The following SMG5 variants were observed in gnomAD, a reference collection of about 807,000 sequenced individuals.
The protein encoded by SMG5 is SMG5 nonsense mediated mRNA decay factor.
In SMG5, 53 loss-of-function variants were observed where a neutral mutation model predicts 122.9. The ratio of observed to expected loss-of-function variants is 0.43; its 90% CI spans 0.35 to 0.54. The LOEUF (loss-of-function observed/expected upper bound fraction) is 0.54, where lower values mean the gene tolerates loss of function less well. Among genes scored for constraint, SMG5 ranks in the 20% least tolerant of loss-of-function variants. SMG5 has a pLI of 0.01. For synonymous variants in SMG5, 477 were observed against 490.2 expected, an observed-to-expected ratio of 0.97 and a Z score of 0.35; for missense variants, 1,153 against 1,285.6, an observed-to-expected ratio of 0.90 and a Z score of 1.58.
intron 16 of SMG5, among the ~76,000 whole-genome samples, chr1:156,255,670 G>C (rs1169182333): frequency 6.6e-6 from 1 of 152,196 alleles, no homozygotes; most frequent in African/African-American, 2.4e-5. Context: ...AGGACTGCTT[G>C]AGTTCTGGAG....
At chr1:156,260,688 TAACCC>T in intron 14 of SMG5, 62 bp from the exon 15 acceptor site, 1 of 1,398,396 alleles carries the variant, frequency 7.2e-7, no homozygotes, top group Non-Finnish European at 9.4e-7. Context: ...CAGAGAGACA[TAACCC>T]TTCCCTTTGG....
chr1:156,261,605 T>C (rs1304712183), intron 13 of SMG5, among the ~76,000 whole-genome samples, 197 bp from the exon 14 acceptor site: 1 of 152,056 alleles, frequency 6.6e-6, no homozygotes, highest in African/African-American at 2.4e-5. Context: ...TTAGCTGGGC[T>C]GGCTGGGCAC....
intron 5 of SMG5, 34 bp from the exon 6 acceptor site, chr1:156,273,484 G>C: frequency 6.3e-7 from 1 of 1,596,274 alleles, no homozygotes; most frequent in Non-Finnish European, 8.6e-7. Context: ...GAAACTCGAT[G>C]ATTTTAAGTT....
intron 12 of SMG5, among the ~76,000 whole-genome samples, chr1:156,264,564 C>T (rs1375662512): frequency 2.0e-5 from 3 of 152,162 alleles, no homozygotes; most frequent in African/African-American, 7.2e-5. Flanking sequence ...CTGGAGGCTG[C>T]AGAGGTGCAG....
intron 17 of SMG5, 25 bp downstream of exon 17, chr1:156,253,424 A>C (rs756329648): frequency 1.8e-5 from 29 of 1,609,734 alleles, no homozygotes; most frequent in Non-Finnish European, 2.1e-5. Context: ...AGTGCAGAAG[A>C]AGCACTTGGG....
intron 7 of SMG5, among the ~76,000 whole-genome samples, chr1:156,271,077 A>G (rs753812557): frequency 5.9e-5 from 9 of 152,196 alleles, no homozygotes; most frequent in Non-Finnish European, 1.3e-4. Context: ...ATACTTAAGA[A>G]TGAATGAATA....
rs967980831 is a variant in SMG5 at position 156,264,908 on chromosome 1, C to G, written c.1855+873G>C. On this transcript the variant is annotated intron_variant, in intron 12 of 21. Transcript: ENST00000361813. Reference sequence around the variant, plus strand: ...GGGCATGGTGGTGCGTGCCTCTAGTCCCAGCTACTTGGGAGGCTGAGGCAG... The same window carrying G: ...GGGCATGGTGGTGCGTGCCTCTAGTGCCAGCTACTTGGGAGGCTGAGGCAG... Among the ~76,000 whole-genome samples the G allele has an allele frequency of 2.0e-5, 3 of 152,150 alleles. No individual in the cohort carries two copies. In the East Asian group the frequency reaches 5.8e-4, roughly 29 times the overall value.
At chr1:156,260,370 C>T in intron 15 of SMG5, 81 bp downstream of exon 15, 1 of 1,495,638 alleles carries the variant, frequency 6.7e-7, no homozygotes, top group South Asian at 1.3e-5. Context: ...CATCCTGCCC[C>T]CTCCCTCCCC....
upstream of SMG5, among the ~76,000 whole-genome samples, chr1:156,286,721 C>T (rs1014795191): frequency 6.6e-5 from 10 of 152,362 alleles, no homozygotes; most frequent in African/African-American, 2.2e-4. Flanking sequence ...TAGATCAATG[C>T]ACCCATTGCA....
Position 156,266,531 on chromosome 1 carries a change from A to T in SMG5, c.1255+10T>A. On this transcript the variant is annotated intron_variant, in intron 11 of 21. Coordinates refer to ENST00000361813, the MANE Select transcript of SMG5 (RefSeq NM_015327.3). Reference sequence around the variant, plus strand: ...CCTTTCCATAGTGATGACCTCCCCGATTCTCCCACCTGTGCCATCACTCTG... The same window carrying T: ...CCTTTCCATAGTGATGACCTCCCCGTTTCTCCCACCTGTGCCATCACTCTG... 1 of 1,613,862 alleles carries T rather than the reference A, an allele frequency of 6.2e-7. No homozygotes were observed. The highest frequency in any genetic ancestry group is 8.5e-7 in the Non-Finnish European group (1 of 1,179,996).
intron 20 of SMG5, 56 bp downstream of exon 20, chr1:156,251,347 C>T (rs879260347): frequency 4.1e-5 from 65 of 1,586,924 alleles, no homozygotes; most frequent in African/African-American, 8.1e-5. Flanking sequence ...TAGGAATGCT[C>T]GTGGAGGAGC....
chr1:156,270,396 C>T (rs148159826), intron 7 of SMG5, among the ~76,000 whole-genome samples: 27 of 152,336 alleles, frequency 1.8e-4, no homozygotes, highest in African/African-American at 5.3e-4. Context: ...CCTAAGACCA[C>T]ACAGAGGAGA....
At position 156,263,486 on chromosome 1, in the gene SMG5, T is replaced by C; in HGVS notation, c.1940A>G (p.Gln647Arg). ...RNERSIQEKL[Q>R]VLMAEGLLPA... ...AAGCAGACCTTCGGCCATCAGGACC[T>C]GAAGCTTCTCCTGGATGCTGCGCTC... The change falls in exon 13 of 22, where the codon CAG (glutamine) becomes CGG (arginine). Residue 647 changes from glutamine to arginine, a missense_variant. This residue lies in a region of SMG5 where 631 missense variants were observed against 650.6 expected (regional missense o/e 0.97). Transcript: ENST00000361813. 1 of 1,614,254 alleles carries C rather than the reference T, an allele frequency of 6.2e-7. No individual in the cohort carries two copies. The highest frequency in any genetic ancestry group is 8.5e-7 in the Non-Finnish European group (1 of 1,180,050).
At chr1:156,274,270 T>G (rs1662579059) in intron 5 of SMG5, among the ~76,000 whole-genome samples, 1 of 152,246 alleles carries the variant, frequency 6.6e-6, no homozygotes, top group Admixed American at 6.5e-5. Flanking sequence ...TCTATTCATC[T>G]AGCAGTCCAT....
intron 16 of SMG5, among the ~76,000 whole-genome samples, chr1:156,256,696 C>T (rs952707386): frequency 1.3e-5 from 2 of 152,020 alleles, no homozygotes; most frequent in African/African-American, 4.8e-5. Context: ...TAGGCCTACG[C>T]GTTCCTCAGA....
At chr1:156,267,974 A>G in intron 9 of SMG5, 141 bp downstream of exon 9, 1 of 898,104 alleles carries the variant, frequency 1.1e-6, no homozygotes, top group South Asian at 1.6e-5. Context: ...AACAGTGAGG[A>G]ATGCCAAGAA....
In SMG5 at chr1:156,253,494, A is replaced by G. The variant is rs201894592; in HGVS notation, c.2457T>C (p.Ala819=). ...TGTCTCTCATGAGCCTGTTCCGACG[A>G]GCTTCCTCCTGTGCCTATGAGGGAA... ...QAQFRMAQEE[A]RRNRLMRDMA... The change falls in exon 17 of 22, where the codon GCT becomes GCC. Residue 819 remains alanine, a synonymous_variant. Coordinates refer to ENST00000361813, the MANE Select transcript of SMG5 (RefSeq NM_015327.3). The G allele has an allele frequency of 6.2e-7, 1 of 1,614,016 alleles. No homozygotes were observed. Among genetic ancestry groups the G allele is most frequent in the Non-Finnish European group, 8.5e-7 (1 of 1,179,984 alleles).
chr1:156,284,506 AG>A (rs1663090184), upstream of SMG5: 1 of 152,594 alleles, frequency 6.6e-6, no homozygotes. Flanking sequence ...GGAGGGCAGC[AG>A]GGAGGAGAGA....
intron 7 of SMG5, among the ~76,000 whole-genome samples, chr1:156,269,376 G>A (rs1275738291): frequency 2.0e-5 from 3 of 152,144 alleles, no homozygotes; most frequent in Admixed American, 2.0e-4. Flanking sequence ...CCAAAGTCCT[G>A]GGATTACAAG....
Sources: allele counts gnomAD v4.1 joint callset (sites outside exome capture counted in the v4.1 genomes callset), GRCh38; gene constraint gnomAD v4.1.1; regional missense constraint gnomAD v4.1.1; transcripts MANE v1.5; gene names NCBI Gene and HGNC (gene_info 2026-07-23, HGNC 2026-07-21).